TMPRSS11D: variants seen among roughly 807,000 people sequenced by gnomAD.
TMPRSS11D encodes the protein transmembrane protease serine 11D.
TMPRSS11D carries 32 observed loss-of-function variants against 44.4 expected under a neutral mutation model. The ratio of observed to expected loss-of-function variants is 0.72; its 90% confidence interval spans 0.54 to 0.97. The LOEUF is 0.97. Among genes scored for constraint, TMPRSS11D ranks in the 50% least tolerant of loss-of-function variants. The pLI is 0.00. For missense variants in TMPRSS11D, 446 were observed against 502.6 expected, an observed-to-expected ratio of 0.89 and a Z score of 1.08; for synonymous variants, 179 against 177.9, an observed-to-expected ratio of 1.01 and a Z score of -0.05.
At chr4:67,846,032 A>G (rs952805541) in intron 3 of TMPRSS11D, among the ~76,000 whole-genome samples, 2 of 152,290 alleles carry the variant, frequency 1.3e-5, no homozygotes, top group Admixed American at 1.3e-4. Context: ...CTTTGCTCAT[A>G]TTATTAGAAT....
At chr4:67,858,692 G>A (rs1032401854) in intron 2 of TMPRSS11D, among the ~76,000 whole-genome samples, 1 of 151,590 alleles carries the variant, frequency 6.6e-6, no homozygotes, top group East Asian at 1.9e-4. Context: ...CTGCACACCC[G>A]TACACATGAT....
chr4:67,867,233 A>C (rs1388974973), intron 1 of TMPRSS11D, among the ~76,000 whole-genome samples: 1 of 152,142 alleles, frequency 6.6e-6, no homozygotes, highest in African/African-American at 2.4e-5. Flanking sequence ...CACTGGGGAA[A>C]GGACACCCCA....
chr4:67,877,340 A>G (rs536700062), intron 1 of TMPRSS11D, among the ~76,000 whole-genome samples: 8 of 152,230 alleles, frequency 5.3e-5, no homozygotes, highest in African/African-American at 1.9e-4. Context: ...GAAGACTTGG[A>G]AAAGTGCAAA....
chr4:67,865,150 A>G (rs925802423), intron 1 of TMPRSS11D, among the ~76,000 whole-genome samples: 1 of 151,874 alleles, frequency 6.6e-6, no homozygotes, highest in African/African-American at 2.4e-5. Flanking sequence ...TAAAAAATCA[A>G]AATCATATTT....
At chr4:67,829,144 C>A (rs1717879728) in intron 7 of TMPRSS11D, among the ~76,000 whole-genome samples, 1 of 151,842 alleles carries the variant, frequency 6.6e-6, no homozygotes, top group African/African-American at 2.4e-5. Context: ...TTAAAAGGCA[C>A]CCATTTTTCA....
At chr4:67,831,890 T>C (rs1169045007) in intron 7 of TMPRSS11D, among the ~76,000 whole-genome samples, 1 of 152,178 alleles carries the variant, frequency 6.6e-6, no homozygotes. Flanking sequence ...TGGGATTTCC[T>C]AAAACTTTAG....
chr4:67,851,892 C>T (rs1041572780), intron 3 of TMPRSS11D, among the ~76,000 whole-genome samples: 5 of 152,154 alleles, frequency 3.3e-5, no homozygotes, highest in East Asian at 1.9e-4. Context: ...GCACTTCTGG[C>T]GCCTGGTGTA....
chr4:67,851,063 A>T (rs900367055), intron 3 of TMPRSS11D, among the ~76,000 whole-genome samples: 1 of 152,200 alleles, frequency 6.6e-6, no homozygotes, highest in Admixed American at 6.5e-5. Context: ...GCCCCAGAGC[A>T]AACCTTTGTA....
At chr4:67,861,709 C>T (rs1300015601) in intron 1 of TMPRSS11D, among the ~76,000 whole-genome samples, 2 of 152,080 alleles carry the variant, frequency 1.3e-5, no homozygotes, top group Non-Finnish European at 1.5e-5. Context: ...TCACGAAAAA[C>T]GTCTTGAACT....
chr4:67,846,329 A>G (rs1434978800), intron 3 of TMPRSS11D, among the ~76,000 whole-genome samples: 4 of 152,208 alleles, frequency 2.6e-5, no homozygotes, highest in Non-Finnish European at 2.9e-5. Flanking sequence ...TATTTATGAA[A>G]TTAGAAATTA....
In TMPRSS11D at chr4:67,821,398, G is replaced by A. The variant is rs10780055; in HGVS notation, c.*939C>T. ...TTCCCCCTCTTTAAACTTTCAATTC[G>A]TTACTTAGATTTAGCGTTTGACGAC... On this transcript the variant is annotated 3_prime_UTR_variant, in exon 10 of 10. Coordinates refer to ENST00000283916, the MANE Select transcript of TMPRSS11D (RefSeq NM_004262.3). 0.81 allele frequency: 123,067 copies of A among 152,028 alleles called. 50,459 individuals carry two copies. Among genetic ancestry groups the A allele is most frequent in the Middle Eastern group, 0.91 (267 of 294 alleles). The allele number at this position is 152,028 out of a possible 1,614,324, so 9.4% of individuals were successfully genotyped here. A position where few individuals can be genotyped will look rare whatever the true frequency, so the allele number is the denominator to read the frequency against.
At chr4:67,834,640 A>G (rs1718030117) in intron 6 of TMPRSS11D, among the ~76,000 whole-genome samples, 1 of 152,158 alleles carries the variant, frequency 6.6e-6, no homozygotes, top group Non-Finnish European at 1.5e-5. Flanking sequence ...CAAAGCTGGG[A>G]AGACTTCTGA....
At chr4:67,838,133 T>A in intron 5 of TMPRSS11D, 39 bp downstream of exon 5, 1 of 1,435,906 alleles carries the variant, frequency 7.0e-7, no homozygotes, top group East Asian at 2.5e-5. Flanking sequence ...ACTTGAGGGA[T>A]ATATTGAAAT....
At chr4:67,834,386 C>T (rs1718024595) in intron 6 of TMPRSS11D, among the ~76,000 whole-genome samples, 1 of 152,134 alleles carries the variant, frequency 6.6e-6, no homozygotes, top group Non-Finnish European at 1.5e-5. Flanking sequence ...GTTTCATTAA[C>T]AATAAGCATG....
chr4:67,840,755 C>T (rs1165281842), intron 4 of TMPRSS11D, among the ~76,000 whole-genome samples: 5 of 152,084 alleles, frequency 3.3e-5, no homozygotes, highest in African/African-American at 1.2e-4. Flanking sequence ...GCATTGTTTG[C>T]TTGTATCAAA....
At chr4:67,829,427 CAGAG>C (rs1273607902) in intron 7 of TMPRSS11D, among the ~76,000 whole-genome samples, 1 of 138,688 alleles carries the variant, frequency 7.2e-6, no homozygotes, top group Admixed American at 7.7e-5. Flanking sequence ...TAGGGGGAGA[CAGAG>C]AGAGAACAGT....
At position 67,867,198 on chromosome 4, in the gene TMPRSS11D, C is replaced by T. The variant is rs190816378; in HGVS notation, c.9-7520G>A. Among the ~76,000 whole-genome samples the T allele has an allele frequency of 2.4e-3, 370 of 152,074 alleles. 1 individual carries two copies. The highest frequency in any genetic ancestry group is 8.4e-3 in the African/African-American group (348 of 41,524). ...AGCCACTTACCTACAGCCAACGGAC[C>T]TTTGACAAAGTCGACAAAAACATAC... On this transcript the variant is annotated intron_variant, in intron 1 of 9. Transcript: ENST00000283916.
intron 9 of TMPRSS11D, among the ~76,000 whole-genome samples, chr4:67,822,953 T>G (rs2109653285): frequency 6.6e-6 from 1 of 152,318 alleles, no homozygotes; most frequent in African/African-American, 2.4e-5. Flanking sequence ...ATCCCACTGG[T>G]CAGTTTTTGT....
At position 67,857,693 on chromosome 4, in the gene TMPRSS11D, T is replaced by C. The variant is rs1033756640; in HGVS notation, c.130+1864A>G. On this transcript the variant is annotated intron_variant, in intron 2 of 9. Coordinates refer to ENST00000283916, the MANE Select transcript of TMPRSS11D (RefSeq NM_004262.3). ...TCAATGTAGAGAGTAGAATGACAGA[T>C]ACTAGAGACTGGGAAGGATGGAGGG... Among the ~76,000 whole-genome samples the C allele has an allele frequency of 2.0e-5, 3 of 152,040 alleles. No individual in the cohort carries two copies. In the East Asian group the frequency reaches 5.8e-4, roughly 29 times the overall value.
Sources: allele counts gnomAD v4.1 joint callset (sites outside exome capture counted in the v4.1 genomes callset), GRCh38; gene constraint gnomAD v4.1.1; transcripts MANE v1.5; gene names NCBI Gene and HGNC (gene_info 2026-07-23, HGNC 2026-07-21).